The following UBE2L3 variants were observed in gnomAD, a reference collection of about 807,000 sequenced individuals.
UBE2L3 encodes ubiquitin conjugating enzyme E2 L3.
Under a neutral mutation model 17.8 loss-of-function variants are expected in UBE2L3, and 1 was observed. The observed-to-expected ratio is 0.06, with a 90% CI of 0.02 to 0.27. The LOEUF is 0.27. Ranked by LOEUF, UBE2L3 falls within the 10% of genes least tolerant of loss-of-function variation. The pLI, the probability that UBE2L3 is intolerant of heterozygous loss-of-function variation, is 1.00. For missense variants in UBE2L3, 40 were observed against 192.6 expected (o/e 0.21, Z 4.69); for synonymous variants, 44 against 68.5 (o/e 0.64, Z 1.76).
At chr22:21,584,813 G>T (rs552389326) in intron 1 of UBE2L3, among the ~76,000 whole-genome samples, 8 of 151,884 alleles carry the variant, frequency 5.3e-5, no homozygotes, top group Non-Finnish European at 1.0e-4. Flanking sequence ...ATACAAAAAT[G>T]AGCTGGGCAT....
At chr22:21,603,601 T>C (rs1022382544) in intron 2 of UBE2L3, among the ~76,000 whole-genome samples, 1 of 148,944 alleles carries the variant, frequency 6.7e-6, no homozygotes, top group Admixed American at 6.7e-5. Flanking sequence ...CCCAGCACTT[T>C]GGGAGGCTGA....
chr22:21,556,266 G>A (rs982727045), intron 1 of UBE2L3, among the ~76,000 whole-genome samples: 1 of 152,206 alleles, frequency 6.6e-6, no homozygotes, highest in African/African-American at 2.4e-5. Flanking sequence ...ATAGTGGCGT[G>A]TGCCTGTAGC....
intron 2 of UBE2L3, among the ~76,000 whole-genome samples, chr22:21,608,741 ATTTTTTTT>A (rs779049247): frequency 1.8e-5 from 2 of 109,860 alleles, no homozygotes; most frequent in Admixed American, 1.0e-4. Context: ...AATATATTTA[ATTTTTTTT>A]TTTTTTTTTT....
At chr22:21,603,832 GT>G (rs1484405471) in intron 2 of UBE2L3, among the ~76,000 whole-genome samples, 1 of 141,658 alleles carries the variant, frequency 7.1e-6, no homozygotes, top group Admixed American at 6.9e-5. Context: ...GCCAGACTCT[GT>G]CTCAAAAAAA....
intron 1 of UBE2L3, among the ~76,000 whole-genome samples, chr22:21,569,754 C>T (rs948356631): frequency 1.1e-4 from 16 of 152,300 alleles, no homozygotes; most frequent in South Asian, 6.2e-4. Flanking sequence ...TTACTTCGTG[C>T]TTTATATGCA....
intron 3 of UBE2L3, among the ~76,000 whole-genome samples, chr22:21,620,932 A>G (rs1371153663): frequency 5.3e-5 from 8 of 152,168 alleles, no homozygotes; most frequent in Non-Finnish European, 8.8e-5. Context: ...CCCTGAAGAA[A>G]GTGACCCTGT....
intron 1 of UBE2L3, among the ~76,000 whole-genome samples, chr22:21,582,624 C>T (rs1011800506): frequency 3.3e-5 from 5 of 152,122 alleles, no homozygotes; most frequent in Admixed American, 2.0e-4. Flanking sequence ...CTCATGGGTT[C>T]AAGTAATTCT....
At chr22:21,565,863 C>G (rs1402763463), upstream of UBE2L3, among the ~76,000 whole-genome samples, 1 of 150,736 alleles carries the variant, frequency 6.6e-6, no homozygotes, top group Non-Finnish European at 1.5e-5. Context: ...AGGTCCAAAC[C>G]ACTGTCACCT....
intron 1 of UBE2L3, among the ~76,000 whole-genome samples, chr22:21,584,965 A>G (rs1284640707): frequency 6.6e-6 from 1 of 152,188 alleles, no homozygotes; most frequent in Admixed American, 6.5e-5. Context: ...CAAAACAAAC[A>G]AACAAAAAAC....
intron 2 of UBE2L3, among the ~76,000 whole-genome samples, chr22:21,602,481 G>C (rs112283625): frequency 7.2e-5 from 11 of 152,230 alleles, no homozygotes; most frequent in African/African-American, 2.7e-4. Flanking sequence ...GGTGACTTCT[G>C]TGGGATGAAG....
intron 1 of UBE2L3, among the ~76,000 whole-genome samples, chr22:21,581,581 C>G (rs1486356417): frequency 3.9e-5 from 6 of 152,102 alleles, no homozygotes; most frequent in Non-Finnish European, 8.8e-5. Flanking sequence ...ATGGGCAGAT[C>G]ACCTGAGGTC....
chr22:21,558,129 A>T (rs1233034419), intron 1 of UBE2L3, among the ~76,000 whole-genome samples: 1 of 150,626 alleles, frequency 6.6e-6, no homozygotes, highest in Admixed American at 6.6e-5. Flanking sequence ...TTCCTGGGCA[A>T]CCTGGTTCAC....
At chr22:21,563,868 C>A (rs977939336), upstream of UBE2L3, among the ~76,000 whole-genome samples, 9 of 151,846 alleles carry the variant, frequency 5.9e-5, no homozygotes, top group Admixed American at 5.3e-4. Flanking sequence ...AGCCACTGCA[C>A]CTGGACTATT....
At chr22:21,597,778 T>C (rs1928619820) in intron 2 of UBE2L3, among the ~76,000 whole-genome samples, 1 of 29,006 alleles carries the variant, frequency 3.4e-5, no homozygotes, top group Non-Finnish European at 6.8e-5. Context: ...TATGTAGATT[T>C]TTTTTTTTTT....
At chr22:21,603,204 A>G (rs1395720230) in intron 2 of UBE2L3, among the ~76,000 whole-genome samples, 3 of 152,074 alleles carry the variant, frequency 2.0e-5, no homozygotes, top group Non-Finnish European at 4.4e-5. Context: ...AAGAAAATCC[A>G]CTTTAAAACC....
intron 3 of UBE2L3, among the ~76,000 whole-genome samples, chr22:21,617,518 C>A (rs909315577): frequency 6.6e-6 from 1 of 152,120 alleles, no homozygotes; most frequent in African/African-American, 2.4e-5. Context: ...CTGCCCACTT[C>A]GGCTTCCCAA....
upstream of UBE2L3, chr22:21,567,625 T>C (rs1221897412): frequency 1.3e-6 from 2 of 1,536,124 alleles, no homozygotes; most frequent in South Asian, 2.4e-5. Context: ...ACACAGTAGG[T>C]GCTCCGCTCT....
intron 3 of UBE2L3, chr22:21,614,491 T>C: frequency 1.9e-6 from 2 of 1,067,702 alleles, no homozygotes; most frequent in South Asian, 2.5e-5. Context: ...GCTGTAATCT[T>C]CCAGCGCTCT....
intron 1 of UBE2L3, 52 bp from the exon 2 acceptor site, chr22:21,592,809 T>C (rs1357955647): frequency 7.1e-7 from 1 of 1,402,134 alleles, no homozygotes; most frequent in Non-Finnish European, 1.0e-6. Context: ...GGGATCTTAA[T>C]ATGTGGTGCT....
Sources: gnomAD v4.1 joint callset for allele counts (sites outside exome capture counted in the v4.1 genomes callset) on GRCh38, gnomAD v4.1.1 for gene constraint, MANE v1.5 for transcripts, NCBI Gene and HGNC (gene_info 2026-07-23, HGNC 2026-07-21) for gene names.